The following DLG2 variants were observed in gnomAD, a reference collection of about 807,000 sequenced individuals.
DLG2 encodes disks large homolog 2.
In DLG2, 45 loss-of-function variants were observed where a neutral mutation model predicts 132.5. That is an observed-to-expected ratio of 0.34 (90% CI 0.27 to 0.44). The LOEUF is 0.44. DLG2 is among the 20% of genes least tolerant of loss of function. DLG2 has a pLI of 1.00. For missense variants in DLG2, 1,045 were observed against 1,196.9 expected (o/e 0.87, Z 1.87); for synonymous variants, 424 against 419.6 (o/e 1.01, Z -0.13).
chr11:84,084,759 A>G (rs1049185219), intron 10 of DLG2, among the ~76,000 whole-genome samples: 9 of 152,042 alleles, frequency 5.9e-5, no homozygotes, highest in African/African-American at 2.2e-4. Flanking sequence ...ATGATTGTAC[A>G]TTTTCTGGGA....
At chr11:84,548,078 T>C (rs570484503) in intron 6 of DLG2, among the ~76,000 whole-genome samples, 100 of 152,234 alleles carry the variant, frequency 6.6e-4, no homozygotes, top group Non-Finnish European at 9.1e-4. Context: ...GCAGGGAGAA[T>C]TGTTCCAGCT....
chr11:83,747,275 TCTTC>T (rs61484895), intron 18 of DLG2, among the ~76,000 whole-genome samples: 22,987 of 121,366 alleles, frequency 0.19, 2,227 homozygotes, highest in East Asian at 0.23. Flanking sequence ...TGCTTTAAAA[TCTTC>T]CTTCCTTCCT....
At chr11:85,110,468 A>G (rs1047918329) in intron 6 of DLG2, among the ~76,000 whole-genome samples, 4 of 151,934 alleles carry the variant, frequency 2.6e-5, no homozygotes, top group African/African-American at 9.7e-5. Flanking sequence ...TTTCTCTATC[A>G]TAAGTAGTCC....
intron 19 of DLG2, among the ~76,000 whole-genome samples, chr11:83,618,546 G>A (rs767255786): frequency 1.3e-5 from 2 of 152,080 alleles, no homozygotes; most frequent in African/African-American, 2.4e-5. Flanking sequence ...TGGAAAAAGC[G>A]GAGGCCTAGA....
At chr11:85,494,571 G>C (rs2093630445) in intron 3 of DLG2, among the ~76,000 whole-genome samples, 8 of 151,774 alleles carry the variant, frequency 5.3e-5, no homozygotes. Flanking sequence ...CAGTCTCCTG[G>C]ATTATGCTGC....
rs1353890823 is a variant in DLG2, at chr11:85,116,959, TTAACA to T, written c.283-5229_283-5225del. 2.0e-5 allele frequency among the ~76,000 whole-genome samples: 3 copies of T among 152,028 alleles called. No individual in the cohort carries two copies. The East Asian group carries it at 5.8e-4, about 29-fold the overall frequency. ...ACTTCAATGGGACTGCACCTAGAGC[TTAACA>T]TAACTTCCTTGGGTTTAGGAGGTCA... On this transcript the variant is annotated intron_variant, in intron 5 of 27. Coordinates refer to ENST00000376104, the MANE Select transcript of DLG2 (RefSeq NM_001142699.3).
At chr11:84,432,931 C>T (rs111789581) in intron 7 of DLG2, among the ~76,000 whole-genome samples, 3,330 of 152,108 alleles carry the variant, frequency 0.022, 117 homozygotes, top group African/African-American at 0.069. Context: ...AGCTGAGACA[C>T]GAGAATTGCT....
chr11:84,377,043 A>G (rs943653118), intron 7 of DLG2, among the ~76,000 whole-genome samples: 1 of 152,098 alleles, frequency 6.6e-6, no homozygotes, highest in African/African-American at 2.4e-5. Flanking sequence ...ACCTGTACCA[A>G]TGATAAATTT....
chr11:85,095,276 A>G (rs1388568937), intron 6 of DLG2, among the ~76,000 whole-genome samples: 2 of 152,236 alleles, frequency 1.3e-5, no homozygotes, highest in Non-Finnish European at 1.5e-5. Flanking sequence ...TGTTGGAAAA[A>G]TGTTGCCAAT....
intron 18 of DLG2, among the ~76,000 whole-genome samples, chr11:83,657,534 C>CTTTTTTTTTTTTTTTTTTTTTT (rs540422330): frequency 5.4e-5 from 5 of 93,394 alleles, no homozygotes; most frequent in Non-Finnish European, 8.1e-5. Context: ...ATTGTCTATT[C>CTTTTTTTTTTTTTTTTTTTTTT]TTTTTTTTTT....
intron 17 of DLG2, among the ~76,000 whole-genome samples, chr11:83,828,927 T>C (rs555071914): frequency 3.3e-4 from 50 of 152,246 alleles, no homozygotes; most frequent in African/African-American, 1.1e-3. Context: ...ACCTGGCACA[T>C]AGTAAGCCAT....
intron 7 of DLG2, among the ~76,000 whole-genome samples, chr11:84,338,088 A>C: frequency 6.6e-6 from 1 of 152,230 alleles, no homozygotes; most frequent in East Asian, 1.9e-4. Context: ...GGTACCAAAA[A>C]AAAATAAGAG....
chr11:83,595,066 C>G (rs2057337114), intron 19 of DLG2, among the ~76,000 whole-genome samples: 1 of 152,078 alleles, frequency 6.6e-6, no homozygotes, highest in South Asian at 2.1e-4. Context: ...CTCATTCTGA[C>G]TACAGAAGTT....
At chr11:84,560,212 T>C (rs891834261) in intron 6 of DLG2, among the ~76,000 whole-genome samples, 3 of 152,156 alleles carry the variant, frequency 2.0e-5, no homozygotes, top group Admixed American at 6.5e-5. Context: ...TGTATTGATT[T>C]TAGCCAATGT....
In DLG2 at chr11:84,548,033, G is replaced by C. The variant is rs74465913; in HGVS notation, c.358-13302C>G. On this transcript the variant is annotated intron_variant, in intron 6 of 27. Transcript: ENST00000376104. ...AATTGGTTTATGTTGTGTAGCACAG[G>C]TAATAAAGTGAGTTCCTTTGAAAGT... Among the ~76,000 whole-genome samples the C allele has an allele frequency of 9.2e-3, 1,397 of 152,248 alleles. 21 individuals are homozygous for C. The highest frequency in any genetic ancestry group is 0.032 in the African/African-American group (1,339 of 41,544).
At chr11:85,474,943 TAAAAGGCAGAA>T (rs2093095462) in intron 3 of DLG2, among the ~76,000 whole-genome samples, 2 of 151,412 alleles carry the variant, frequency 1.3e-5, no homozygotes, top group South Asian at 4.2e-4. Context: ...GTTCCTAATT[TAAAAGGCAGAA>T]AAATATAAAA....
At chr11:84,853,562 G>T (rs1392853818) in intron 6 of DLG2, among the ~76,000 whole-genome samples, 1 of 151,894 alleles carries the variant, frequency 6.6e-6, no homozygotes, top group East Asian at 1.9e-4. Flanking sequence ...ATGTATTAAA[G>T]AAACATTTAT....
chr11:83,638,147 GTTCT>G (rs373025475), intron 18 of DLG2, among the ~76,000 whole-genome samples: 5 of 152,084 alleles, frequency 3.3e-5, no homozygotes, highest in African/African-American at 1.2e-4. Context: ...CCCCCAGCTA[GTTCT>G]TTCTCCACCT....
At chr11:83,866,459 T>C (rs74319714) in intron 16 of DLG2, among the ~76,000 whole-genome samples, 3,487 of 152,256 alleles carry the variant, frequency 0.023, 153 homozygotes, top group African/African-American at 0.079. Context: ...ATTCAGCATA[T>C]TAACTAGCTC....
Sources: allele counts gnomAD v4.1 joint callset (sites outside exome capture counted in the v4.1 genomes callset), GRCh38; gene constraint gnomAD v4.1.1; transcripts MANE v1.5; gene names NCBI Gene and HGNC (gene_info 2026-07-23, HGNC 2026-07-21).